Variants in BRPF1 observed in about 807,000 individuals in gnomAD.
The protein encoded by BRPF1 is peregrin.
BRPF1 carries 15 observed loss-of-function variants against 115.0 expected under a neutral mutation model. The ratio of observed to expected loss-of-function variants is 0.13; its 90% CI spans 0.09 to 0.20. The LOEUF is 0.20. BRPF1 is among the 10% of genes least tolerant of loss of function. The pLI, the probability that BRPF1 is intolerant of heterozygous loss-of-function variation, is 1.00. For missense variants in BRPF1, 1,118 were observed against 1,638.3 expected (o/e 0.68, Z 5.48); for synonymous variants, 647 against 619.8 (o/e 1.04, Z -0.65).
chr3:9,739,262 A>G lies in BRPF1; in HGVS notation c.863A>G (p.Asn288Ser). 1 of 1,612,846 alleles carries G rather than the reference A, an allele frequency of 6.2e-7. No individual in the cohort carries two copies. Among genetic ancestry groups the G allele is most frequent in the Non-Finnish European group, 8.5e-7 (1 of 1,178,924 alleles). Reference sequence around the variant, plus strand: ...AATGATGGTGAGTGCCAGAACAGCAATGTCATCCTCTTCTGTGACATGTGC... The same window carrying G: ...AATGATGGTGAGTGCCAGAACAGCAGTGTCATCCTCTTCTGTGACATGTGC... Reference protein sequence around the residue: ...ICNDGECQNSNVILFCDMCNL... With the variant: ...ICNDGECQNSSVILFCDMCNL... Residue 288 changes from asparagine to serine, a missense_variant, in exon 3 of 14, where the codon AAT becomes AGT. Around this residue, in one of 10 missense-constraint regions of BRPF1, gnomAD observed 280 missense variants for 382.8 expected, o/e 0.73. Coordinates refer to ENST00000383829, the MANE Select transcript of BRPF1 (RefSeq NM_001003694.2).
chr3:9,744,110 C>T (rs964988191), intron 8 of BRPF1, 114 bp from the exon 9 acceptor site: 1 of 1,361,362 alleles, frequency 7.3e-7, no homozygotes, highest in Non-Finnish European at 1.0e-6. Context: ...CTAAAATGAT[C>T]TCCCCAACGT....
In BRPF1 at chr3:9,747,872, C is replaced by CT. The variant is rs2077154202; in HGVS notation, c.*524dup. On this transcript the variant is annotated 3_prime_UTR_variant, in exon 14 of 14. Transcript: ENST00000383829. This position sits in a 1 kb window ranked among gnomAD's most constrained non-coding sequence, Gnocchi z 5.6. ...CGGGTCGCGCCAGAGTCATTTGGTA[C>CT]TAAAAAAAAAAAAAAAAAAGACTGG... is the stretch of plus-strand genomic sequence containing the variant. 7.3e-6 allele frequency: 1 copy of CT among 137,830 alleles called. No individual in the cohort carries two copies. Among genetic ancestry groups the CT allele is most frequent in the East Asian group, 2.3e-4 (1 of 4,332 alleles). The allele number at this position is 137,830 out of a possible 1,614,324, so 8.5% of individuals were successfully genotyped here.
In BRPF1 at chr3:9,742,979, G is replaced by T. The variant is rs1177974366; in HGVS notation, c.2037G>T (p.Met679Ile). ...ACCTAGACCACATCAAAAAGCCCAT[G>T]GACTTTTTCACCATGAAGCAGAACT... ...PDYLDHIKKP[M>I]DFFTMKQNLE... The change falls in exon 7 of 14, where the codon ATG (methionine) becomes ATT (isoleucine). Residue 679 changes from methionine to isoleucine, a missense_variant. Physicochemically the swap from Met to Ile is conservative, Grantham distance 10. Around this residue, in one of 10 missense-constraint regions of BRPF1, gnomAD observed 178 missense variants for 303.7 expected, o/e 0.59. Coordinates refer to ENST00000383829, the MANE Select transcript of BRPF1 (RefSeq NM_001003694.2). The T allele has an allele frequency of 6.2e-7, 1 of 1,614,034 alleles. No homozygotes were observed. Among genetic ancestry groups the T allele is most frequent in the East Asian group, 2.2e-5 (1 of 44,894 alleles).
chr3:9,746,253 T>TGGGA, intron 12 of BRPF1, 47 bp from the exon 13 acceptor site: 1 of 1,498,730 alleles, frequency 6.7e-7, no homozygotes, highest in Non-Finnish European at 8.9e-7. Context: ...GGAAAAGCCT[T>TGGGA]GGGAGGACAT....
At chr3:9,735,119 C>G (rs981148729) in intron 2 of BRPF1, among the ~76,000 whole-genome samples, 1 of 149,190 alleles carries the variant, frequency 6.7e-6, no homozygotes, top group African/African-American at 2.5e-5. Flanking sequence ...CTTAAGTGAT[C>G]CTCCCACTCA....
Position 9,745,492 on chromosome 3 carries a change from C to A in BRPF1, c.3069-81C>A. Reference sequence around the variant, plus strand: ...TTCCAAAAGTCTCAGACCCTGCGGGCTTTAAGAGCTGAGGGCACATACCAT... The same window carrying A: ...TTCCAAAAGTCTCAGACCCTGCGGGATTTAAGAGCTGAGGGCACATACCAT... On this transcript the variant is annotated intron_variant, in intron 10 of 13. Transcript: ENST00000383829. This position sits in a 1 kb window ranked among gnomAD's most constrained non-coding sequence, Gnocchi z 5.1. The A allele has an allele frequency of 6.7e-7, 1 of 1,502,082 alleles. No homozygotes were observed. Among genetic ancestry groups the A allele is most frequent in the Non-Finnish European group, 9.2e-7 (1 of 1,086,400 alleles). The allele number at this position is 1,502,082 out of a possible 1,614,324, so 93.0% of individuals were successfully genotyped here. A position where few individuals can be genotyped will look rare whatever the true frequency, so the allele number is the denominator to read the frequency against.
chr3:9,743,743 G>A lies in BRPF1; in HGVS notation c.2477G>A (p.Arg826Gln), dbSNP rs767040712. ...KMIKKEMTAL[R>Q]RKLAHQRETG... ...ATCAAGAAAGAGATGACGGCACTGC[G>A]GCGGAAGCTTGCCCATCAGCGAGAG... Residue 826 changes from arginine to glutamine, a missense_variant, in exon 8 of 14, where the codon CGG becomes CAG. Arg to Gln is a conservative substitution (Grantham distance 43). Transcript: ENST00000383829. The surrounding 1 kb of genome is among the most constrained non-coding windows in gnomAD (Gnocchi z 6.1). 8.1e-6 allele frequency: 13 copies of A among 1,614,050 alleles called. No homozygotes were observed. Among genetic ancestry groups the A allele is most frequent in the Non-Finnish European group, 1.0e-5 (12 of 1,180,052 alleles).
chr3:9,742,216 C>G, intron 6 of BRPF1, 45 bp downstream of exon 6: 1 of 1,604,656 alleles, frequency 6.2e-7, no homozygotes, highest in South Asian at 1.1e-5. Context: ...TGTTCCTCTC[C>G]CAGTTGGACC....
chr3:9,740,799 G>A lies in BRPF1; in HGVS notation c.1580G>A (p.Arg527His), dbSNP rs760910675. The A allele has an allele frequency of 5.0e-6, 8 of 1,613,898 alleles. No individual in the cohort carries two copies. The Admixed American group carries it at 8.3e-5, about 17-fold the overall frequency. Reference sequence around the variant, plus strand: ...CCCAGGCTTAGTAAAATCACCAACCGCCTGACCATCCAAAGGAAGAGCCAG... The same window carrying A: ...CCCAGGCTTAGTAAAATCACCAACCACCTGACCATCCAAAGGAAGAGCCAG... ...PPHRLSKITN[R>H]LTIQRKSQFM... The change falls in exon 4 of 14, where the codon CGC (arginine) becomes CAC (histidine). Residue 527 changes from arginine to histidine, a missense_variant. Coordinates refer to ENST00000383829, the MANE Select transcript of BRPF1 (RefSeq NM_001003694.2).
chr3:9,747,066 C>T lies in BRPF1; in HGVS notation c.3480-100C>T. The T allele has an allele frequency of 7.4e-7, 1 of 1,342,356 alleles. No homozygotes were observed. Among genetic ancestry groups the T allele is most frequent in the Non-Finnish European group, 1.1e-6 (1 of 950,978 alleles). 83.2% of individuals were successfully genotyped at this position (1,342,356 alleles called of 1,614,324 possible). On this transcript the variant is annotated intron_variant, in intron 13 of 13. Coordinates refer to ENST00000383829, the MANE Select transcript of BRPF1 (RefSeq NM_001003694.2). The surrounding 1 kb of genome is among the most constrained non-coding windows in gnomAD (Gnocchi z 5.6). The stretch of plus-strand genomic sequence containing the variant: ...GGCAGGGACCATCACAGAGTCTGGC[C>T]AGAGTGGGTGCTTGGGTGGTGTGTT...
chr3:9,733,979 T>A (rs2076897418), intron 1 of BRPF1, among the ~76,000 whole-genome samples, 152 bp from the exon 2 acceptor site: 1 of 151,974 alleles, frequency 6.6e-6, no homozygotes, highest in Non-Finnish European at 1.5e-5. Context: ...TGGGCTATGG[T>A]GGAGGAGATG....
chr3:9,744,264 G>A lies in BRPF1; in HGVS notation c.2676G>A (p.Val892=). ...PNMSSTPAHE[V]GRRTSVLFSK... is the part of the protein sequence containing the mutation. ...TGTCCTCAACCCCCGCACATGAGGTGGGCAGGAGAACCTCAGTTCTGTTCT... is the reference window on the plus strand; with the variant it reads ...TGTCCTCAACCCCCGCACATGAGGTAGGCAGGAGAACCTCAGTTCTGTTCT... Residue 892 remains valine (V), a synonymous_variant, in exon 9 of 14, where the codon GTG becomes GTA. Coordinates refer to ENST00000383829, the MANE Select transcript of BRPF1 (RefSeq NM_001003694.2). 6.3e-7 allele frequency: 1 copy of A among 1,590,432 alleles called. No homozygotes were observed. The highest frequency in any genetic ancestry group is 8.6e-7 in the Non-Finnish European group (1 of 1,167,206).
At chr3:9,744,583 C>G (rs2077090710) in intron 9 of BRPF1, 75 bp downstream of exon 9, 1 of 1,162,282 alleles carries the variant, frequency 8.6e-7, no homozygotes. Flanking sequence ...TCCCAGTTAC[C>G]CCTTTATTTG....
At position 9,731,744 on chromosome 3, in the gene BRPF1, AGACGCCGTCGCCGCCGCTGCT is replaced by A. The variant is rs1480110840; in HGVS notation, c.-403_-383del. ...CCGCGGCGCCACGTTTACCCTGCGC[AGACGCCGTCGCCGCCGCTGCT>A]GCCGCCGCCGCTGCCACAGCCTTTG... On this transcript the variant is annotated 5_prime_UTR_variant, in exon 1 of 14. Coordinates refer to ENST00000383829, the MANE Select transcript of BRPF1 (RefSeq NM_001003694.2). 1.3e-5 allele frequency: 2 copies of A among 153,828 alleles called. No homozygotes were observed. Among genetic ancestry groups the A allele is most frequent in the Non-Finnish European group, 2.9e-5 (2 of 69,294 alleles). 9.5% of individuals were successfully genotyped at this position (153,828 alleles called of 1,614,324 possible).
intron 9 of BRPF1, 122 bp from the exon 10 acceptor site, chr3:9,744,886 G>A: frequency 1.5e-6 from 2 of 1,367,240 alleles, no homozygotes; most frequent in African/African-American, 1.4e-5. Flanking sequence ...GCTGGCCAAG[G>A]TTGGAGGAAT....
Position 9,743,299 on chromosome 3 carries a change from T to A in BRPF1, c.2311+46T>A. ...ACATATAAGAGGCCAATGCCGGGGA[T>A]GGACAGCTTTCCAAAAGTCCCCTCC... On this transcript the variant is annotated intron_variant, in intron 7 of 13. Transcript: ENST00000383829. The surrounding 1 kb of genome is among the most constrained non-coding windows in gnomAD (Gnocchi z 6.1). 6.4e-7 allele frequency: 1 copy of A among 1,568,194 alleles called. No individual in the cohort carries two copies. The highest frequency in any genetic ancestry group is 8.7e-7 in the Non-Finnish European group (1 of 1,154,872).
chr3:9,732,354 TGTTACACTTCCACAAAGGG>T (rs1436158959), intron 1 of BRPF1: 1 of 152,256 alleles, frequency 6.6e-6, no homozygotes, highest in Non-Finnish European at 1.5e-5. Flanking sequence ...TTGTTTCACT[TGTTACACTTCCACAAAGGG>T]GAAACGCCGC....
intron 9 of BRPF1, 75 bp from the exon 10 acceptor site, chr3:9,744,933 C>T: frequency 6.3e-7 from 1 of 1,599,178 alleles, no homozygotes; most frequent in Non-Finnish European, 8.6e-7. Flanking sequence ...CTCCAAGTCC[C>T]TCTTACCTCC....
Position 9,739,183 on chromosome 3 carries a change from A to G in BRPF1, c.784A>G (p.Asn262Asp). ...GAAGGAGTCGTACTTTGAGAGTCAT[A>G]ATAAAGGCGACCCTAATGCGCTAGT... ...LEKESYFESHNKGDPNALVDE... is the reference protein window; with the variant it reads ...LEKESYFESHDKGDPNALVDE... The change falls in exon 3 of 14, where the codon AAT becomes GAT. Residue 262 changes from asparagine to aspartate, a missense_variant. Around this residue, in one of 10 missense-constraint regions of BRPF1, gnomAD observed 280 missense variants for 382.8 expected, o/e 0.73. Coordinates refer to ENST00000383829, the MANE Select transcript of BRPF1 (RefSeq NM_001003694.2). The G allele has an allele frequency of 1.9e-6, 3 of 1,613,958 alleles. No homozygotes were observed. The highest frequency in any genetic ancestry group is 1.7e-6 in the Non-Finnish European group (2 of 1,179,898).
Sources: gnomAD v4.1 joint callset for allele counts (sites outside exome capture counted in the v4.1 genomes callset) on GRCh38, gnomAD v4.1.1 for gene constraint, gnomAD v4.1.1 regional missense constraint, Gnocchi (gnomAD v3.1) non-coding constraint, MANE v1.5 for transcripts, NCBI Gene and HGNC (gene_info 2026-07-23, HGNC 2026-07-21) for gene names.